DNAI7: variants seen among roughly 807,000 people sequenced by gnomAD.
The protein encoded by DNAI7 is dynein axonemal intermediate chain 7, also known as cancer susceptibility 1.
DNAI7 carries 78 observed loss-of-function variants against 86.6 expected under a neutral mutation model. The observed-to-expected ratio is 0.90, with a 90% CI of 0.75 to 1.09. DNAI7 has a LOEUF of 1.09. Ranked by LOEUF, DNAI7 falls within the 50% of genes least tolerant of loss-of-function variation. DNAI7 has a pLI of 0.00. For synonymous variants in DNAI7, 274 were observed against 273.0 expected, an observed-to-expected ratio of 1.00 and a Z score of -0.04; for missense variants, 753 against 810.2, an observed-to-expected ratio of 0.93 and a Z score of 0.86.
At chr12:25,164,110 C>G (rs1294728533) in intron 2 of DNAI7, among the ~76,000 whole-genome samples, 2 of 152,208 alleles carry the variant, frequency 1.3e-5, no homozygotes, top group African/African-American at 4.8e-5. Context: ...AAGAAACCCC[C>G]AACCCCTTCT....
chr12:25,150,369 C>T (rs948782363), intron 6 of DNAI7, among the ~76,000 whole-genome samples: 1 of 152,052 alleles, frequency 6.6e-6, no homozygotes, highest in Admixed American at 6.6e-5. Flanking sequence ...CTTTGGGAGG[C>T]CAAGGCGGGC....
chr12:25,118,568 G>GT (rs1940661480), intron 12 of DNAI7, among the ~76,000 whole-genome samples: 1 of 151,616 alleles, frequency 6.6e-6, no homozygotes, highest in Non-Finnish European at 1.5e-5. Flanking sequence ...TGGCCTGTTT[G>GT]TTTTTTTGAG....
At chr12:25,149,530 A>C in intron 7 of DNAI7, 98 bp downstream of exon 7, 1 of 852,446 alleles carries the variant, frequency 1.2e-6, no homozygotes. Context: ...CTTTTCCATA[A>C]TCTCTTCATT....
intron 8 of DNAI7, among the ~76,000 whole-genome samples, chr12:25,146,599 C>CAAAAAAAAAAA (rs55857702): frequency 1.4e-5 from 2 of 140,404 alleles, no homozygotes; most frequent in East Asian, 2.1e-4. Flanking sequence ...GACTGTGTCT[C>CAAAAAAAAAAA]AAAAAAAAAA....
intron 12 of DNAI7, among the ~76,000 whole-genome samples, chr12:25,118,297 T>C (rs1371631788): frequency 1.3e-5 from 2 of 150,826 alleles, no homozygotes; most frequent in Non-Finnish European, 3.0e-5. Flanking sequence ...ACAGTCTTGC[T>C]CTGTGGCCCA....
chr12:25,184,082 TAGTA>T (rs1949808952), intron 2 of DNAI7, among the ~76,000 whole-genome samples: 1 of 152,230 alleles, frequency 6.6e-6, no homozygotes, highest in African/African-American at 2.4e-5. Flanking sequence ...AATTATGGAT[TAGTA>T]TTATCATGCA....
intron 1 of DNAI7, among the ~76,000 whole-genome samples, chr12:25,193,229 G>A (rs12810577): frequency 0.38 from 57,998 of 151,960 alleles, 12,951 homozygotes; most frequent in East Asian, 0.79. Flanking sequence ...TGGAGACAGG[G>A]TCACTGCTGA....
chr12:25,191,973 T>C (rs1404492257), intron 1 of DNAI7, among the ~76,000 whole-genome samples: 1 of 152,202 alleles, frequency 6.6e-6, no homozygotes, highest in Non-Finnish European at 1.5e-5. Context: ...AAATATTAGT[T>C]CAACCCATAA....
At chr12:25,169,944 C>CA (rs1276381553) in intron 2 of DNAI7, among the ~76,000 whole-genome samples, 1 of 151,680 alleles carries the variant, frequency 6.6e-6, no homozygotes, top group African/African-American at 2.4e-5. Flanking sequence ...TCATCTAACA[C>CA]ATAAGGACTC....
chr12:25,180,186 CA>C (rs1949368602), intron 2 of DNAI7, among the ~76,000 whole-genome samples: 1 of 152,136 alleles, frequency 6.6e-6, no homozygotes, highest in Non-Finnish European at 1.5e-5. Flanking sequence ...CCATTTACAA[CA>C]GTCATGCACA....
chr12:25,125,209 T>A (rs1268201497), intron 9 of DNAI7, among the ~76,000 whole-genome samples: 1 of 152,208 alleles, frequency 6.6e-6, no homozygotes, highest in Admixed American at 6.5e-5. Flanking sequence ...CTTTCCACAA[T>A]GGTTGAACTA....
At chr12:25,118,654 C>A (rs941026227) in intron 12 of DNAI7, among the ~76,000 whole-genome samples, 1 of 152,074 alleles carries the variant, frequency 6.6e-6, no homozygotes, top group Non-Finnish European at 1.5e-5. Flanking sequence ...CTCCACCTCC[C>A]GGGTTCAGGC....
chr12:25,145,727 G>C (rs528768837), intron 8 of DNAI7, among the ~76,000 whole-genome samples: 6 of 151,880 alleles, frequency 4.0e-5, no homozygotes, highest in African/African-American at 1.2e-4. Flanking sequence ...CCAGAACCTA[G>C]GCCTCCTAAT....
chr12:25,126,288 T>C (rs1942124744), intron 9 of DNAI7, among the ~76,000 whole-genome samples: 1 of 152,092 alleles, frequency 6.6e-6, no homozygotes, highest in Non-Finnish European at 1.5e-5. Flanking sequence ...CTGAAGACTT[T>C]AAAATGTCTC....
intron 2 of DNAI7, among the ~76,000 whole-genome samples, chr12:25,182,033 A>T (rs1013737587): frequency 2.7e-5 from 4 of 147,200 alleles, no homozygotes; most frequent in Non-Finnish European, 4.5e-5. Context: ...AAGAAAAGAA[A>T]TTTTTTTTTT....
chr12:25,178,814 G>T (rs1949228932), intron 2 of DNAI7, among the ~76,000 whole-genome samples: 2 of 152,024 alleles, frequency 1.3e-5, no homozygotes, highest in African/African-American at 2.4e-5. Flanking sequence ...GTGAAGACTT[G>T]AAGGATATGA....
intron 2 of DNAI7, among the ~76,000 whole-genome samples, chr12:25,174,082 CTTCTT>C (rs1948485927): frequency 6.8e-6 from 1 of 147,790 alleles, no homozygotes; most frequent in Non-Finnish European, 1.5e-5. Flanking sequence ...ATTTGTATAT[CTTCTT>C]TTGAGAATTG....
rs1182887527 is a variant in DNAI7, at chr12:25,144,662, T to C, written c.705A>G (p.Arg235=). 1 of 1,613,014 alleles carries C rather than the reference T, an allele frequency of 6.2e-7. No homozygotes were observed. The highest frequency in any genetic ancestry group is 8.5e-7 in the Non-Finnish European group (1 of 1,179,366). ...CAAATCCAATTTGTGTTTCAGAGAATCTAACACTTCTGTGCCTGTTAATAA... is the reference window on the plus strand; with the variant it reads ...CAAATCCAATTTGTGTTTCAGAGAACCTAACACTTCTGTGCCTGTTAATAA... ...LKKNPRHRSV[R]FSETQIGFEI... is the part of the protein sequence containing the mutation. Residue 235 remains arginine (R), a synonymous_variant, in exon 9 of 16, where the codon AGA becomes AGG. Transcript: ENST00000395987.
chr12:25,182,922 A>T (rs12581706), intron 2 of DNAI7, among the ~76,000 whole-genome samples: 54,409 of 147,962 alleles, frequency 0.37, 11,237 homozygotes, highest in East Asian at 0.77. Context: ...AAAAGAAGAA[A>T]GGAAAGAAAG....
Sources: allele counts gnomAD v4.1 joint callset (sites outside exome capture counted in the v4.1 genomes callset), GRCh38; gene constraint gnomAD v4.1.1; transcripts MANE v1.5; gene names NCBI Gene and HGNC (gene_info 2026-07-23, HGNC 2026-07-21).